The following GLIS1 variants were observed in gnomAD, a reference collection of about 807,000 sequenced individuals.
GLIS1 encodes the protein zinc finger protein GLIS1.
GLIS1 carries 24 observed loss-of-function variants against 63.8 expected under a neutral mutation model. The ratio of observed to expected loss-of-function variants is 0.38; its 90% CI spans 0.27 to 0.53. GLIS1 has a LOEUF of 0.53. GLIS1 is among the 20% of genes least tolerant of loss of function. The pLI, the probability that GLIS1 is intolerant of heterozygous loss-of-function variation, is 0.85. For synonymous variants in GLIS1, 450 were observed against 482.5 expected, an observed-to-expected ratio of 0.93 and a Z score of 0.88; for missense variants, 1,036 against 1,074.1, an observed-to-expected ratio of 0.96 and a Z score of 0.50.
At chr1:53,711,505 G>A (rs1441218043) in intron 2 of GLIS1, among the ~76,000 whole-genome samples, 2 of 152,246 alleles carry the variant, frequency 1.3e-5, no homozygotes, top group Admixed American at 6.5e-5. Context: ...GCTGACCTGT[G>A]TCTGCTTCTC....
intron 2 of GLIS1, among the ~76,000 whole-genome samples, chr1:53,674,203 A>G (rs1237380013): frequency 2.0e-5 from 3 of 152,004 alleles, no homozygotes; most frequent in African/African-American, 7.2e-5. Context: ...AAGAAAAAAA[A>G]ATCCATTAAG....
intron 2 of GLIS1, among the ~76,000 whole-genome samples, chr1:53,688,377 T>C (rs552821386): frequency 6.6e-6 from 1 of 151,878 alleles, no homozygotes; most frequent in Non-Finnish European, 1.5e-5. Flanking sequence ...GGAAGGGGGC[T>C]CTCCCCTCGT....
chr1:53,537,039 T>C (rs1031442854), intron 4 of GLIS1, among the ~76,000 whole-genome samples: 9 of 152,146 alleles, frequency 5.9e-5, no homozygotes, highest in South Asian at 2.1e-4. Flanking sequence ...CAGAACCTAA[T>C]TGAAAAATGT....
intron 4 of GLIS1, among the ~76,000 whole-genome samples, chr1:53,581,715 C>T (rs553433665): frequency 3.9e-5 from 6 of 152,032 alleles, no homozygotes; most frequent in East Asian, 1.9e-4. Flanking sequence ...TCCAGGCAGA[C>T]GGGGCAGCCA....
chr1:53,676,568 T>C (rs1024279915), intron 2 of GLIS1, among the ~76,000 whole-genome samples: 1 of 152,148 alleles, frequency 6.6e-6, no homozygotes, highest in Non-Finnish European at 1.5e-5. Flanking sequence ...TCTACAGGCA[T>C]GGCCGATGTA....
intron 2 of GLIS1, among the ~76,000 whole-genome samples, chr1:53,709,349 C>CAT (rs138836172): frequency 7.4e-6 from 1 of 134,904 alleles, no homozygotes; most frequent in Admixed American, 7.4e-5. Flanking sequence ...TACATATATA[C>CAT]ATATATATAC....
At chr1:53,685,542 A>G (rs1168559666) in intron 2 of GLIS1, among the ~76,000 whole-genome samples, 1 of 152,248 alleles carries the variant, frequency 6.6e-6, no homozygotes, top group African/African-American at 2.4e-5. Flanking sequence ...CAATCTGATT[A>G]GCAGGCTGAC....
chr1:53,629,557 T>A (rs1645630426), intron 2 of GLIS1, among the ~76,000 whole-genome samples: 1 of 152,216 alleles, frequency 6.6e-6, no homozygotes, highest in Non-Finnish European at 1.5e-5. Flanking sequence ...CTTGTTCCAC[T>A]CTTCCCCAGC....
At chr1:53,553,523 A>G (rs12729426) in intron 4 of GLIS1, among the ~76,000 whole-genome samples, 6 of 152,242 alleles carry the variant, frequency 3.9e-5, no homozygotes, top group Non-Finnish European at 7.3e-5. Context: ...GTGCTTGCAC[A>G]GCTCACCTGC....
chr1:53,531,839 C>T (rs990142928), intron 4 of GLIS1, among the ~76,000 whole-genome samples: 1 of 152,178 alleles, frequency 6.6e-6, no homozygotes, highest in Admixed American at 6.5e-5. Context: ...AGGCAATTCC[C>T]CCAACACTGA....
intron 2 of GLIS1, among the ~76,000 whole-genome samples, chr1:53,720,449 G>C (rs1466488227): frequency 6.6e-6 from 1 of 152,126 alleles, no homozygotes; most frequent in Non-Finnish European, 1.5e-5. Flanking sequence ...TAAAAACATT[G>C]TTCTCATGGA....
At chr1:53,669,702 C>T (rs1335893735) in intron 2 of GLIS1, among the ~76,000 whole-genome samples, 7 of 152,218 alleles carry the variant, frequency 4.6e-5, no homozygotes, top group Non-Finnish European at 1.5e-5. Context: ...ATCCCAGCCC[C>T]TCCCATCACG....
chr1:53,691,961 A>G (rs955138339), intron 2 of GLIS1, among the ~76,000 whole-genome samples: 1 of 152,176 alleles, frequency 6.6e-6, no homozygotes, highest in Admixed American at 6.5e-5. Flanking sequence ...CCATATGGAC[A>G]GGAGTCGTGG....
At chr1:53,610,025 T>A (rs1645410377) in intron 2 of GLIS1, among the ~76,000 whole-genome samples, 1 of 152,242 alleles carries the variant, frequency 6.6e-6, no homozygotes. Context: ...ATATGTAGTC[T>A]GTCATTGATT....
At chr1:53,738,415 A>T (rs1339760303) in intron 1 of GLIS1, among the ~76,000 whole-genome samples, 1 of 152,108 alleles carries the variant, frequency 6.6e-6, no homozygotes, top group African/African-American at 2.4e-5. Flanking sequence ...CGAATGGTGA[A>T]ACTGAGGCCT....
At chr1:53,586,085 T>C (rs1645131756) in intron 4 of GLIS1, among the ~76,000 whole-genome samples, 1 of 152,158 alleles carries the variant, frequency 6.6e-6, no homozygotes, top group Non-Finnish European at 1.5e-5. Context: ...GCACAGTGGC[T>C]GGTGGGGGAC....
At chr1:53,731,534 A>G (rs567187994) in intron 2 of GLIS1, among the ~76,000 whole-genome samples, 1 of 152,280 alleles carries the variant, frequency 6.6e-6, no homozygotes, top group South Asian at 2.1e-4. Flanking sequence ...TTCAGAGGAA[A>G]GTACTGGCTC....
intron 4 of GLIS1, among the ~76,000 whole-genome samples, chr1:53,557,639 G>A (rs964680842): frequency 1.3e-5 from 2 of 152,192 alleles, no homozygotes; most frequent in Non-Finnish European, 1.5e-5. Flanking sequence ...TGAAACAGAC[G>A]CACAGGGCAG....
At chr1:53,645,864 G>A (rs368553319) in intron 2 of GLIS1, among the ~76,000 whole-genome samples, 45 of 152,302 alleles carry the variant, frequency 3.0e-4, no homozygotes, top group African/African-American at 9.9e-4. Flanking sequence ...CTGGGCTTTC[G>A]TGGTGTCTAC....
Sources: gnomAD v4.1 joint callset for allele counts (sites outside exome capture counted in the v4.1 genomes callset) on GRCh38, gnomAD v4.1.1 for gene constraint, MANE v1.5 for transcripts, NCBI Gene and HGNC (gene_info 2026-07-23, HGNC 2026-07-21) for gene names.